The following SLC8A2 variants were observed in gnomAD, a reference collection of about 807,000 sequenced individuals.
SLC8A2 encodes solute carrier family 8 member A2.
In SLC8A2, 14 loss-of-function variants were observed where a neutral mutation model predicts 70.2. The observed-to-expected ratio is 0.20, with a 90% CI of 0.13 to 0.31. SLC8A2 has a LOEUF of 0.31. Among genes scored for constraint, SLC8A2 ranks in the 10% least tolerant of loss-of-function variants. The pLI is 1.00. For synonymous variants in SLC8A2, 575 were observed against 594.3 expected (o/e 0.97, Z 0.47); for missense variants, 779 against 1,320.1 (o/e 0.59, Z 6.35).
intron 8 of SLC8A2, among the ~76,000 whole-genome samples, chr19:47,434,884 A>C (rs1440472121): frequency 6.6e-6 from 1 of 152,194 alleles, no homozygotes; most frequent in Non-Finnish European, 1.5e-5. Flanking sequence ...CACACAGGAA[A>C]TAAATTTCCA....
chr19:47,463,558 C>T (rs1382106981), intron 2 of SLC8A2, among the ~76,000 whole-genome samples: 2 of 149,996 alleles, frequency 1.3e-5, no homozygotes, highest in African/African-American at 4.9e-5. Flanking sequence ...ATGACAAAAC[C>T]CCGTCTCTAC....
chr19:47,443,012 C>T (rs1372568915), intron 4 of SLC8A2, among the ~76,000 whole-genome samples: 1 of 152,092 alleles, frequency 6.6e-6, no homozygotes, highest in Non-Finnish European at 1.5e-5. Context: ...CTTCTAACAC[C>T]CTCTAACATT....
chr19:47,470,801 C>T (rs867903048), intron 1 of SLC8A2, among the ~76,000 whole-genome samples: 8 of 152,230 alleles, frequency 5.3e-5, no homozygotes, highest in South Asian at 2.1e-4. Context: ...CAAGAAGGAC[C>T]GGCCTCAGAA....
rs775330372 is a variant in SLC8A2, at chr19:47,447,937, G to T, written c.1635C>A (p.Val545=). The T allele has an allele frequency of 6.4e-7, 1 of 1,563,110 alleles. No homozygotes were observed. ...TGCCGCGCGCGCCCGAGCTGCGCAC[G>T]ACGCGCACGTCCACGGTGCCCATGC... ...SECMGTVDVR[V]VRSSGARGTV... The change falls in exon 4 of 10, where the codon GTC becomes GTA. Residue 545 remains valine (V), a synonymous_variant. Coordinates refer to ENST00000236877, the MANE Select transcript of SLC8A2 (RefSeq NM_015063.3). The surrounding 1 kb of genome is among the most constrained non-coding windows in gnomAD (Gnocchi z 5.1).
intron 2 of SLC8A2, among the ~76,000 whole-genome samples, chr19:47,461,479 A>T (rs1967394581): frequency 1.3e-5 from 2 of 152,244 alleles, no homozygotes; most frequent in South Asian, 4.1e-4. Context: ...ACTGAACTCC[A>T]GCCTGGGGGA....
chr19:47,432,476 A>G lies in SLC8A2; in HGVS notation c.2111-31T>C, dbSNP rs542782449. On this transcript the variant is annotated intron_variant, in intron 8 of 9. Transcript: ENST00000236877. The surrounding 1 kb of genome is among the most constrained non-coding windows in gnomAD (Gnocchi z 6.2). ...GGCACACGACCCAGCTGGGGCATACACTCAGACTTCCTTCCTTGCCTACAG... is the reference window on the plus strand; with the variant it reads ...GGCACACGACCCAGCTGGGGCATACGCTCAGACTTCCTTCCTTGCCTACAG... 8.4e-5 allele frequency: 130 copies of G among 1,540,072 alleles called. 1 individual carries two copies. The South Asian group carries it at 1.6e-3, about 18-fold the overall frequency.
At chr19:47,444,128 C>G (rs975914198) in intron 4 of SLC8A2, among the ~76,000 whole-genome samples, 3 of 152,106 alleles carry the variant, frequency 2.0e-5, no homozygotes, top group Admixed American at 2.0e-4. Flanking sequence ...TTCCTGGCCT[C>G]AAGTGATCCT....
chr19:47,450,585 C>G (rs918623935), intron 3 of SLC8A2, among the ~76,000 whole-genome samples: 1 of 152,030 alleles, frequency 6.6e-6, no homozygotes, highest in Non-Finnish European at 1.5e-5. Context: ...AGAGAGGGAC[C>G]GCAAGGTTCT....
At chr19:47,450,054 G>A (rs1359774422) in intron 3 of SLC8A2, among the ~76,000 whole-genome samples, 1 of 152,136 alleles carries the variant, frequency 6.6e-6, no homozygotes, top group Non-Finnish European at 1.5e-5. Flanking sequence ...AGGGGTCATG[G>A]AGTAAGTGGA....
intron 4 of SLC8A2, among the ~76,000 whole-genome samples, chr19:47,445,735 T>C (rs921652522): frequency 9.9e-5 from 15 of 151,682 alleles, no homozygotes; most frequent in African/African-American, 3.6e-4. Flanking sequence ...GGGGAAGCCA[T>C]GTGGGGGAGG....
At chr19:47,431,518 G>A (rs147837864) in intron 9 of SLC8A2, among the ~76,000 whole-genome samples, 42 of 148,482 alleles carry the variant, frequency 2.8e-4, no homozygotes, top group Admixed American at 8.8e-4. Context: ...ATGTGGTGGC[G>A]CACGCCTGTA....
At position 47,468,210 on chromosome 19, in the gene SLC8A2, C is replaced by T. The variant is rs1967488620; in HGVS notation, c.-16-1791G>A. Among the ~76,000 whole-genome samples the T allele has an allele frequency of 6.6e-6, 1 of 152,064 alleles. No homozygotes were observed. Among genetic ancestry groups the T allele is most frequent in the Admixed American group, 6.6e-5 (1 of 15,238 alleles). On this transcript the variant is annotated intron_variant, in intron 1 of 9. Transcript: ENST00000236877. The surrounding 1 kb of genome is among the most constrained non-coding windows in gnomAD (Gnocchi z 5.1). ...TTGCCCAGTCTGCCTCAGCCACCCT[C>T]TCCTCCCCTCTGCTCCTCAGCCTCA...
intron 2 of SLC8A2, among the ~76,000 whole-genome samples, chr19:47,459,661 C>CTGTGTGTGTGCATG (rs1172340409): frequency 1.3e-5 from 2 of 149,520 alleles, no homozygotes; most frequent in Admixed American, 1.3e-4. Context: ...GTGTGTCCTT[C>CTGTGTGTGTGCATG]TGTGTGTGTG....
At chr19:47,467,205 T>C (rs1253788646) in intron 1 of SLC8A2, among the ~76,000 whole-genome samples, 1 of 152,192 alleles carries the variant, frequency 6.6e-6, no homozygotes, top group Non-Finnish European at 1.5e-5. Flanking sequence ...GAGTGAACTA[T>C]TTGCTGCTGC....
At chr19:47,452,423 A>G (rs1207583297) in intron 3 of SLC8A2, among the ~76,000 whole-genome samples, 1 of 118,282 alleles carries the variant, frequency 8.5e-6, no homozygotes, top group Admixed American at 9.9e-5. Flanking sequence ...AGAGAGAGAG[A>G]GAGAGAGAGA....
chr19:47,459,028 C>T (rs575214786), intron 2 of SLC8A2, among the ~76,000 whole-genome samples: 125 of 149,788 alleles, frequency 8.3e-4, no homozygotes, highest in Admixed American at 2.1e-3. Flanking sequence ...GCTCCCGTTC[C>T]TCTCCATCTC....
rs750828482 is a variant in SLC8A2 at position 47,456,919 on chromosome 19, G to A, written c.1340+11C>T. On this transcript the variant is annotated intron_variant, in intron 3 of 9. Coordinates refer to ENST00000236877, the MANE Select transcript of SLC8A2 (RefSeq NM_015063.3). ...CAGCCCCCTGCACACCCCCCACCCC[G>A]GGGGACCCACCTGTACTCGTAGTCG... is the stretch of plus-strand genomic sequence containing the variant. 3.2e-6 allele frequency: 5 copies of A among 1,578,838 alleles called. No individual in the cohort carries two copies. The Admixed American group carries it at 7.2e-5, about 23-fold the overall frequency.
chr19:47,434,687 A>G (rs924295669), intron 8 of SLC8A2, among the ~76,000 whole-genome samples: 1 of 152,154 alleles, frequency 6.6e-6, no homozygotes, highest in Non-Finnish European at 1.5e-5. Context: ...AGGTAAAGGA[A>G]GTACAAAAGC....
chr19:47,432,279 G>A lies in SLC8A2; in HGVS notation c.2277C>T (p.Ile759=), dbSNP rs772891859. 1.2e-5 allele frequency: 20 copies of A among 1,614,006 alleles called. No homozygotes were observed. Among genetic ancestry groups the A allele is most frequent in the East Asian group, 2.2e-5 (1 of 44,890 alleles). Reference sequence around the variant, plus strand: ...CCCCAATGAGGGCGGTGAGCAGGCCGATGACCAGGATGGAGACACCAAAGC... The same window carrying A: ...CCCCAATGAGGGCGGTGAGCAGGCCAATGACCAGGATGGAGACACCAAAGC... The part of the protein sequence containing the change: ...WACFGVSILV[I]GLLTALIGDL... Residue 759 remains isoleucine (I), a synonymous_variant, in exon 9 of 10, where the codon ATC becomes ATT. Transcript: ENST00000236877. This position sits in a 1 kb window ranked among gnomAD's most constrained non-coding sequence, Gnocchi z 6.2.
Sources: allele counts gnomAD v4.1 joint callset (sites outside exome capture counted in the v4.1 genomes callset), GRCh38; gene constraint gnomAD v4.1.1; non-coding constraint Gnocchi (gnomAD v3.1); transcripts MANE v1.5; gene names NCBI Gene and HGNC (gene_info 2026-07-23, HGNC 2026-07-21).